C1orf21: variants seen among roughly 807,000 people sequenced by gnomAD.
The protein encoded by C1orf21 is uncharacterized protein C1orf21.
In C1orf21, 3 loss-of-function variants were observed where a neutral mutation model predicts 18.7. The observed-to-expected ratio is 0.16, with a 90% CI of 0.07 to 0.42. The LOEUF is 0.42. Among genes scored for constraint, C1orf21 ranks in the 10% least tolerant of loss-of-function variants. C1orf21 has a pLI of 0.99. For synonymous variants in C1orf21, 41 were observed against 46.4 expected, an observed-to-expected ratio of 0.88 and a Z score of 0.47; for missense variants, 104 against 143.6, an observed-to-expected ratio of 0.72 and a Z score of 1.41.
In C1orf21 at chr1:184,623,949, T is replaced by C. The variant is rs1406284027; in HGVS notation, c.*4393T>C. 1 of 152,608 alleles carries C rather than the reference T, an allele frequency of 6.6e-6. No homozygotes were observed. The highest frequency in any genetic ancestry group is 2.4e-5 in the African/African-American group (1 of 41,434). 9.5% of individuals were successfully genotyped at this position (152,608 alleles called of 1,614,324 possible). On this transcript the variant is annotated 3_prime_UTR_variant, in exon 6 of 6. Coordinates refer to ENST00000235307, the MANE Select transcript of C1orf21 (RefSeq NM_030806.4). ...AGAAGAGGAAAAAGGAGCTAATATT[T>C]GTCATTTATACTCACTCTGTGCCAG...
intron 3 of C1orf21, among the ~76,000 whole-genome samples, chr1:184,516,944 C>T (rs150060228): frequency 2.1e-3 from 313 of 152,320 alleles, no homozygotes; most frequent in Non-Finnish European, 3.4e-3. Flanking sequence ...TTGGTGAAAA[C>T]TGGGAAGTGG....
At chr1:184,409,872 G>C (rs1041762397) in intron 1 of C1orf21, among the ~76,000 whole-genome samples, 1 of 152,160 alleles carries the variant, frequency 6.6e-6, no homozygotes, top group African/African-American at 2.4e-5. Context: ...CAACAGAAGA[G>C]AATCAAAACA....
intron 1 of C1orf21, among the ~76,000 whole-genome samples, chr1:184,440,802 A>G (rs192271319): frequency 1.3e-5 from 2 of 152,338 alleles, no homozygotes; most frequent in East Asian, 1.9e-4. Flanking sequence ...AAAAATGATT[A>G]GGAAAACCTG....
intron 2 of C1orf21, among the ~76,000 whole-genome samples, chr1:184,500,919 C>T (rs1277193967): frequency 1.3e-5 from 2 of 152,198 alleles, no homozygotes; most frequent in African/African-American, 4.8e-5. Flanking sequence ...GCAGCTGACC[C>T]TTCTTCCCTC....
At chr1:184,435,380 G>T (rs1425020352) in intron 1 of C1orf21, among the ~76,000 whole-genome samples, 1 of 152,166 alleles carries the variant, frequency 6.6e-6, no homozygotes, top group Non-Finnish European at 1.5e-5. Context: ...TTCTCACTCT[G>T]TCGCCCAGCC....
At chr1:184,541,035 A>G (rs1658642255) in intron 3 of C1orf21, among the ~76,000 whole-genome samples, 1 of 152,214 alleles carries the variant, frequency 6.6e-6, no homozygotes, top group Admixed American at 6.5e-5. Flanking sequence ...AAAAATCTTC[A>G]TAACAATCAT....
intron 5 of C1orf21, among the ~76,000 whole-genome samples, chr1:184,610,608 A>G (rs1659715320): frequency 4.6e-5 from 7 of 152,160 alleles, no homozygotes; most frequent in Admixed American, 4.6e-4. Flanking sequence ...GCACTTTGGG[A>G]GGCCGAGGCA....
chr1:184,563,678 T>G (rs1307046597), intron 3 of C1orf21, among the ~76,000 whole-genome samples: 4 of 152,220 alleles, frequency 2.6e-5, no homozygotes, highest in African/African-American at 4.8e-5. Flanking sequence ...CTTGTGAAAA[T>G]ATTTTCAAAA....
rs528991907 is a variant in C1orf21 at position 184,479,964 on chromosome 1, TA to T, written c.94+2362del. 8.3e-4 allele frequency among the ~76,000 whole-genome samples: 126 copies of T among 152,262 alleles called. 1 individual carries two copies. The highest frequency in any genetic ancestry group is 3.0e-3 in the African/African-American group (123 of 41,534). On this transcript the variant is annotated intron_variant, in intron 2 of 5. Transcript: ENST00000235307. ...CAAAAGTATTGATTGGTCTGTATCC[TA>T]TGTATAAGGCCTTTTGCTAAATGCC...
At chr1:184,488,796 C>T (rs1179227088) in intron 2 of C1orf21, among the ~76,000 whole-genome samples, 1 of 152,158 alleles carries the variant, frequency 6.6e-6, no homozygotes, top group African/African-American at 2.4e-5. Context: ...GAAATCCTGT[C>T]TCTACTAAAA....
intron 1 of C1orf21, among the ~76,000 whole-genome samples, chr1:184,444,882 G>A (rs896246225): frequency 3.3e-5 from 5 of 152,118 alleles, no homozygotes; most frequent in African/African-American, 1.2e-4. Flanking sequence ...ATCAAAAGAG[G>A]ACTCTTCCAA....
At chr1:184,396,571 CTT>C (rs1365886658) in intron 1 of C1orf21, among the ~76,000 whole-genome samples, 2 of 152,132 alleles carry the variant, frequency 1.3e-5, no homozygotes, top group African/African-American at 4.8e-5. Flanking sequence ...TGTATGCTCT[CTT>C]AGAAGGAGAT....
chr1:184,460,620 G>GTCGTCGTCTTCTTCTTCTTCTTCT (rs1284129710), intron 1 of C1orf21, among the ~76,000 whole-genome samples: 4 of 112,092 alleles, frequency 3.6e-5, no homozygotes, highest in African/African-American at 1.2e-4. Flanking sequence ...TGTCGTCGTC[G>GTCGTCGTCTTCTTCTTCTTCTTCT]TCTTCTTCTT....
intron 2 of C1orf21, among the ~76,000 whole-genome samples, chr1:184,491,537 A>G (rs551705668): frequency 1.3e-4 from 20 of 152,214 alleles, no homozygotes; most frequent in African/African-American, 4.6e-4. Flanking sequence ...TTTTTAGTAG[A>G]AACAGATTTT....
intron 5 of C1orf21, among the ~76,000 whole-genome samples, chr1:184,600,919 A>AT (rs1274902301): frequency 6.6e-6 from 1 of 152,196 alleles, no homozygotes; most frequent in Non-Finnish European, 1.5e-5. Flanking sequence ...CCTCCTTAAT[A>AT]TATGTGTTTG....
chr1:184,405,188 C>A (rs1413417392), intron 1 of C1orf21, among the ~76,000 whole-genome samples: 1 of 152,028 alleles, frequency 6.6e-6, no homozygotes, highest in Non-Finnish European at 1.5e-5. Flanking sequence ...AGACCCAGTG[C>A]TAATAATTCT....
rs139185302 is a variant in C1orf21 at position 184,453,240 on chromosome 1, G to A, written c.-124-24146G>A. Among the ~76,000 whole-genome samples, 868 of 152,276 alleles carry A rather than the reference G, an allele frequency of 5.7e-3. 8 individuals carry two copies. The highest frequency in any genetic ancestry group is 0.011 in the South Asian group (54 of 4,810). ...AGATTCTCTGAGTGGAAGGGAGAAT[G>A]CAATATTAACTAGCTGACTTTGCCT... On this transcript the variant is annotated intron_variant, in intron 1 of 5. Coordinates refer to ENST00000235307, the MANE Select transcript of C1orf21 (RefSeq NM_030806.4).
At position 184,623,990 on chromosome 1, in the gene C1orf21, T is replaced by C. The variant is rs1659965752; in HGVS notation, c.*4434T>C. 6.6e-6 allele frequency: 1 copy of C among 152,620 alleles called. No homozygotes were observed. The highest frequency in any genetic ancestry group is 1.5e-5 in the Non-Finnish European group (1 of 68,048). 9.5% of individuals were successfully genotyped at this position (152,620 alleles called of 1,614,324 possible). On this transcript the variant is annotated 3_prime_UTR_variant, in exon 6 of 6. Coordinates refer to ENST00000235307, the MANE Select transcript of C1orf21 (RefSeq NM_030806.4). ...TCTGTGCCAGATACTGTGCTAGGCA[T>C]TTTATAATTGTTTTGTGTCATCCTC...
At chr1:184,445,204 C>G (rs977477823) in intron 1 of C1orf21, among the ~76,000 whole-genome samples, 3 of 152,194 alleles carry the variant, frequency 2.0e-5, no homozygotes, top group Non-Finnish European at 4.4e-5. Context: ...GAAGCTGTCA[C>G]TGACTTATGA....
Sources: gnomAD v4.1 joint callset for allele counts (sites outside exome capture counted in the v4.1 genomes callset) on GRCh38, gnomAD v4.1.1 for gene constraint, MANE v1.5 for transcripts, NCBI Gene and HGNC (gene_info 2026-07-23, HGNC 2026-07-21) for gene names.